Variants in PDLIM4 observed in about 807,000 individuals in gnomAD.
The protein encoded by PDLIM4 is PDZ and LIM domain protein 4.
A neutral mutation model predicts 31.3 loss-of-function variants in PDLIM4; 19 were observed. The observed-to-expected ratio is 0.61, with a 90% CI of 0.42 to 0.89. The LOEUF (loss-of-function observed/expected upper bound fraction) is 0.89. Ranked by LOEUF, PDLIM4 falls within the 40% of genes least tolerant of loss-of-function variation. The probability of loss-of-function intolerance (pLI) is 0.00; values close to 1 mark genes in which losing one functional copy is unlikely to be tolerated. For missense variants in PDLIM4, 442 were observed against 461.1 expected, an observed-to-expected ratio of 0.96 and a Z score of 0.38; for synonymous variants, 176 against 190.1, an observed-to-expected ratio of 0.93 and a Z score of 0.61.
chr5:132,267,552 C>G (rs924856256), intron 3 of PDLIM4, among the ~76,000 whole-genome samples: 1 of 152,148 alleles, frequency 6.6e-6, no homozygotes, highest in African/African-American at 2.4e-5. Flanking sequence ...ATGACTCAGA[C>G]AAGGAGTCAA....
In PDLIM4 at chr5:132,270,931, C is replaced by G. The variant is rs1756592957; in HGVS notation, c.344C>G (p.Thr115Ser). The change falls in exon 4 of 7, where the codon ACC (threonine) becomes AGC (serine). Residue 115 changes from threonine (T) to serine (S), a missense_variant. By Grantham distance (58) the Thr-to-Ser change is moderately conservative. Coordinates refer to ENST00000253754, the MANE Select transcript of PDLIM4 (RefSeq NM_003687.4). ...DPEIQDGSPT[T>S]SRRPSGTGTG... is the part of the protein sequence containing the mutation. ...CTCTAATAGGACGGCAGCCCAACAACCAGCAGGCGGCCCTCAGGCACCGGG... is the reference window on the plus strand; with the variant it reads ...CTCTAATAGGACGGCAGCCCAACAAGCAGCAGGCGGCCCTCAGGCACCGGG... The G allele has an allele frequency of 1.2e-6, 2 of 1,614,106 alleles. No homozygotes were observed. The highest frequency in any genetic ancestry group is 1.7e-6 in the Non-Finnish European group (2 of 1,179,974).
At chr5:132,258,872 C>A (rs1277548718) in intron 1 of PDLIM4, among the ~76,000 whole-genome samples, 3 of 152,220 alleles carry the variant, frequency 2.0e-5, no homozygotes, top group Admixed American at 6.5e-5. Context: ...CACCTTCCCC[C>A]ACCCTACTGC....
rs1269406050 is a variant in PDLIM4 at position 132,257,909 on chromosome 5, C to T, written c.93+82C>T. On this transcript the variant is annotated intron_variant, in intron 1 of 6. Coordinates refer to ENST00000253754, the MANE Select transcript of PDLIM4 (RefSeq NM_003687.4). The surrounding 1 kb of genome is among the most constrained non-coding windows in gnomAD (Gnocchi z 4.3). ...GCGGTCCGCCCGGGACCCAGATCCC[C>T]TGTGTATCCGAGGCTTGAAGGCGGA... 3 of 769,054 alleles carry T rather than the reference C, an allele frequency of 3.9e-6. No individual in the cohort carries two copies. The highest frequency in any genetic ancestry group is 5.7e-6 in the Non-Finnish European group (3 of 527,602). The allele number at this position is 769,054 out of a possible 1,614,324, so 47.6% of individuals were successfully genotyped here.
intron 1 of PDLIM4, among the ~76,000 whole-genome samples, chr5:132,258,132 G>A (rs993396612): frequency 1.3e-5 from 2 of 152,218 alleles, no homozygotes; most frequent in African/African-American, 4.8e-5. Flanking sequence ...AGATGGGCCA[G>A]GGGTCTAGAC....
rs141425893 is a variant in PDLIM4 at position 132,272,075 on chromosome 5, T to C, written c.839T>C (p.Met280Thr). 261 of 1,614,246 alleles carry C rather than the reference T, an allele frequency of 1.6e-4. 1 individual carries two copies. The African/African-American group carries it at 3.2e-3, about 20-fold the overall frequency. Residue 280 changes from methionine to threonine, a missense_variant, in exon 7 of 7, where the codon ATG becomes ACG. Coordinates refer to ENST00000253754, the MANE Select transcript of PDLIM4 (RefSeq NM_003687.4). The stretch of plus-strand genomic sequence containing the variant: ...AAGCTCTACCATCCCGAGTGCTTCA[T>C]GTGCAGTGACTGCGGCCTGAACCTC... ...RDKLYHPECF[M>T]CSDCGLNLKQ...
chr5:132,259,609 T>C (rs1161492927), intron 1 of PDLIM4, among the ~76,000 whole-genome samples: 1 of 152,152 alleles, frequency 6.6e-6, no homozygotes, highest in African/African-American at 2.4e-5. Flanking sequence ...GCCTAGCAGG[T>C]ACCTCTGGGG....
chr5:132,257,869 T>C lies in PDLIM4; in HGVS notation c.93+42T>C. On this transcript the variant is annotated intron_variant, in intron 1 of 6. Coordinates refer to ENST00000253754, the MANE Select transcript of PDLIM4 (RefSeq NM_003687.4). This position sits in a 1 kb window ranked among gnomAD's most constrained non-coding sequence, Gnocchi z 4.3. The stretch of plus-strand genomic sequence containing the variant: ...CGTGGCGGCAGGGCGGTCCCATGTC[T>C]GAGACCGGGTTCTCGCGGTCCGCCC... 8.5e-7 allele frequency: 1 copy of C among 1,176,934 alleles called. No individual in the cohort carries two copies. The highest frequency in any genetic ancestry group is 1.2e-6 in the Non-Finnish European group (1 of 869,154). 72.9% of individuals were successfully genotyped at this position (1,176,934 alleles called of 1,614,324 possible). A position where few individuals can be genotyped will look rare whatever the true frequency, so the allele number is the denominator to read the frequency against.
At chr5:132,269,796 C>T (rs1756566572) in intron 3 of PDLIM4, among the ~76,000 whole-genome samples, 1 of 152,116 alleles carries the variant, frequency 6.6e-6, no homozygotes, top group Non-Finnish European at 1.5e-5. Flanking sequence ...TAAGACCTAC[C>T]CCATGGCCTG....
In PDLIM4 at chr5:132,271,874, CTGCCCGAGTGCACGCG is replaced by C; in HGVS notation, c.755_770del (p.Leu252ProfsTer30). ...CGCTCCGCTGAGCGGCCTGCAGGGGCTGCCCGAGTGCACGCGCTGCGGCCACGGCATCGTGTGAGTA... is the reference window on the plus strand; with the variant it reads ...CGCTCCGCTGAGCGGCCTGCAGGGGCCTGCGGCCACGGCATCGTGTGAGTA... On this transcript the variant is annotated frameshift_variant, in exon 6 of 7. Transcript: ENST00000253754. LOFTEE classifies it high-confidence loss of function. 1 of 1,610,410 alleles carries C rather than the reference CTGCCCGAGTGCACGCG, an allele frequency of 6.2e-7. No individual in the cohort carries two copies. The highest frequency in any genetic ancestry group is 8.5e-7 in the Non-Finnish European group (1 of 1,178,136).
rs868361592 is a variant in PDLIM4, at chr5:132,271,791, G to A, written c.671G>A (p.Gly224Glu). ...ATGCCACCTACGCTCCGGGTTTCAG[G>A]GGATTGGCCCGGGCCTGGCGGCCCC... ...LQGMLEAGEG[G>E]DWPGPGGPRN... Residue 224 changes from glycine (G) to glutamate (E), a missense_variant and splice_region_variant, in exon 6 of 7, where the codon GGG (glycine) becomes GAG (glutamate). Gly to Glu is a moderately conservative substitution (Grantham distance 98, BLOSUM62 -2). Coordinates refer to ENST00000253754, the MANE Select transcript of PDLIM4 (RefSeq NM_003687.4). The A allele has an allele frequency of 5.6e-6, 9 of 1,603,410 alleles. No individual in the cohort carries two copies. Among genetic ancestry groups the A allele is most frequent in the Non-Finnish European group, 7.7e-6 (9 of 1,170,886 alleles).
At chr5:132,268,506 G>A (rs1172320547) in intron 3 of PDLIM4, among the ~76,000 whole-genome samples, 2 of 152,210 alleles carry the variant, frequency 1.3e-5, no homozygotes, top group Non-Finnish European at 1.5e-5. Context: ...CCTGTGGGGC[G>A]ATAGGAGAAC....
intron 3 of PDLIM4, among the ~76,000 whole-genome samples, chr5:132,267,017 A>C (rs1756506555): frequency 6.6e-6 from 1 of 152,248 alleles, no homozygotes; most frequent in African/African-American, 2.4e-5. Context: ...CTTCTAGCAG[A>C]ACTTAGGCTG....
At position 132,271,521 on chromosome 5, in the gene PDLIM4, G is replaced by A. The variant is rs774669767; in HGVS notation, c.670+55G>A. 6 of 1,577,776 alleles carry A rather than the reference G, an allele frequency of 3.8e-6. No individual in the cohort carries two copies. The Admixed American group carries it at 1.0e-4, about 26-fold the overall frequency. Reference sequence around the variant, plus strand: ...CCTTCCCACTCCCTGCAGTGCCCAGGTTGCCCCCTAGCGACCCCACGTCCC... The same window carrying A: ...CCTTCCCACTCCCTGCAGTGCCCAGATTGCCCCCTAGCGACCCCACGTCCC... On this transcript the variant is annotated intron_variant, in intron 5 of 6. Coordinates refer to ENST00000253754, the MANE Select transcript of PDLIM4 (RefSeq NM_003687.4).
At chr5:132,264,409 T>C (rs1191704746) in intron 2 of PDLIM4, among the ~76,000 whole-genome samples, 1 of 152,156 alleles carries the variant, frequency 6.6e-6, no homozygotes, top group Non-Finnish European at 1.5e-5. Context: ...ATGCTCATAA[T>C]TTTACCCATA....
chr5:132,271,553 C>A (rs752510555), intron 5 of PDLIM4, 87 bp downstream of exon 5: 4 of 1,363,582 alleles, frequency 2.9e-6, no homozygotes, highest in South Asian at 1.2e-5. Flanking sequence ...TCCCGCCTCG[C>A]AGTCACCTGC....
intron 1 of PDLIM4, among the ~76,000 whole-genome samples, chr5:132,260,878 C>T (rs1756358698): frequency 6.6e-6 from 1 of 152,204 alleles, no homozygotes; most frequent in African/African-American, 2.4e-5. Context: ...TGGCAGCATC[C>T]CAGCCACCAC....
In PDLIM4 at chr5:132,262,683, C is replaced by T; in HGVS notation, c.168C>T (p.Ser56=). ...TGATCCAGGCCATCAATGGTGAGAG[C>T]ACAGAGCTCATGACACACCTGGAGG... ...GDLIQAINGE[S]TELMTHLEAQ... is the part of the protein sequence containing the mutation. The change falls in exon 2 of 7, where the codon AGC becomes AGT. Residue 56 remains serine (S), a synonymous_variant. Coordinates refer to ENST00000253754, the MANE Select transcript of PDLIM4 (RefSeq NM_003687.4). 1.2e-6 allele frequency: 2 copies of T among 1,613,268 alleles called. No individual in the cohort carries two copies. Among genetic ancestry groups the T allele is most frequent in the Non-Finnish European group, 8.5e-7 (1 of 1,179,614 alleles).
In PDLIM4 at chr5:132,271,033, G is replaced by T; in HGVS notation, c.446G>T (p.Gly149Val). The T allele has an allele frequency of 6.2e-7, 1 of 1,614,096 alleles. No homozygotes were observed. Among genetic ancestry groups the T allele is most frequent in the Non-Finnish European group, 8.5e-7 (1 of 1,179,990 alleles). Residue 149 changes from glycine (G) to valine (V), a missense_variant, in exon 4 of 7, where the codon GGC becomes GTC. Transcript: ENST00000253754. ...QPPRFPVPHNGSSEATLPAQM... is the reference protein window; with the variant it reads ...QPPRFPVPHNVSSEATLPAQM... ...CCTCGCTTTCCAGTCCCTCACAATGGCAGCAGCGAGGCCACCCTGCCAGCC... is the reference window on the plus strand; with the variant it reads ...CCTCGCTTTCCAGTCCCTCACAATGTCAGCAGCGAGGCCACCCTGCCAGCC...
At chr5:132,259,458 G>C (rs1179478153) in intron 1 of PDLIM4, among the ~76,000 whole-genome samples, 1 of 152,200 alleles carries the variant, frequency 6.6e-6, no homozygotes, top group East Asian at 1.9e-4. Flanking sequence ...CAGTCTGGGA[G>C]AAGGTTTGCC....
Sources: allele counts gnomAD v4.1 joint callset (sites outside exome capture counted in the v4.1 genomes callset), GRCh38; gene constraint gnomAD v4.1.1; non-coding constraint Gnocchi (gnomAD v3.1); transcripts MANE v1.5; gene names NCBI Gene and HGNC (gene_info 2026-07-23, HGNC 2026-07-21).